SYT9: variants seen among roughly 807,000 people sequenced by gnomAD.
SYT9 encodes synaptotagmin-9.
SYT9 carries 22 observed loss-of-function variants against 48.4 expected under a neutral mutation model. That is an observed-to-expected ratio of 0.45 (90% CI 0.32 to 0.65). The LOEUF is 0.65. Ranked by LOEUF, SYT9 falls within the 30% of genes least tolerant of loss-of-function variation. The probability of loss-of-function intolerance (pLI) is 0.03; values close to 1 mark genes in which losing one functional copy is unlikely to be tolerated. For missense variants in SYT9, 577 were observed against 622.0 expected (o/e 0.93, Z 0.77); for synonymous variants, 265 against 245.0 (o/e 1.08, Z -0.76).
chr11:7,437,035 G>A (rs1048765170), intron 6 of SYT9, among the ~76,000 whole-genome samples: 2 of 152,224 alleles, frequency 1.3e-5, no homozygotes, highest in Non-Finnish European at 2.9e-5. Context: ...AGTGAAAGAC[G>A]CTGGACAAGT....
At chr11:7,394,685 C>T (rs1846710706) in intron 3 of SYT9, among the ~76,000 whole-genome samples, 1 of 151,982 alleles carries the variant, frequency 6.6e-6, no homozygotes, top group African/African-American at 2.4e-5. Context: ...TTTTTTAGTT[C>T]TGCTATGATT....
intron 1 of SYT9, among the ~76,000 whole-genome samples, chr11:7,289,581 G>A (rs1176806332): frequency 6.6e-6 from 1 of 152,176 alleles, no homozygotes; most frequent in African/African-American, 2.4e-5. Context: ...AAACAACACT[G>A]CCTGCTCATA....
intron 3 of SYT9, among the ~76,000 whole-genome samples, chr11:7,332,664 GTGTCTGCACAGCAGGC>G (rs1418467352): frequency 6.6e-6 from 1 of 152,238 alleles, no homozygotes; most frequent in Non-Finnish European, 1.5e-5. Context: ...CCAAAGACAG[GTGTCTGCACAGCAGGC>G]TGGATGCTCC....
chr11:7,392,200 G>T (rs1846637061), intron 3 of SYT9, among the ~76,000 whole-genome samples: 1 of 152,014 alleles, frequency 6.6e-6, no homozygotes, highest in Admixed American at 6.6e-5. Flanking sequence ...ATCCACAATG[G>T]TATTTCCTAA....
intron 2 of SYT9, among the ~76,000 whole-genome samples, chr11:7,309,834 C>G (rs1166465978): frequency 6.6e-6 from 1 of 152,200 alleles, no homozygotes; most frequent in Non-Finnish European, 1.5e-5. Context: ...TCTGGCTCTT[C>G]TAAGCTTCTC....
intron 6 of SYT9, among the ~76,000 whole-genome samples, chr11:7,466,193 T>C (rs1848331483): frequency 6.6e-6 from 1 of 152,230 alleles, no homozygotes; most frequent in African/African-American, 2.4e-5. Context: ...GGGATTCCTC[T>C]TCAGCCTAAA....
intron 3 of SYT9, among the ~76,000 whole-genome samples, chr11:7,357,257 A>C (rs1589969075): frequency 6.6e-6 from 1 of 152,164 alleles, no homozygotes; most frequent in African/African-American, 2.4e-5. Context: ...TGCATCTAAA[A>C]AATAACCCTT....
At chr11:7,305,721 A>G (rs1054931999) in intron 2 of SYT9, among the ~76,000 whole-genome samples, 4 of 152,020 alleles carry the variant, frequency 2.6e-5, no homozygotes, top group African/African-American at 9.7e-5. Flanking sequence ...CTCCCTGCCG[A>G]CACCGTCTTA....
intron 3 of SYT9, 43 bp downstream of exon 3, chr11:7,313,984 G>T: frequency 1.3e-6 from 2 of 1,573,422 alleles, no homozygotes; most frequent in Admixed American, 1.8e-5. Context: ...GGGGCATCTT[G>T]GTTAGCAAGG....
chr11:7,404,408 T>A (rs1241240192), intron 3 of SYT9, among the ~76,000 whole-genome samples: 1 of 152,190 alleles, frequency 6.6e-6, no homozygotes, highest in Non-Finnish European at 1.5e-5. Context: ...TTTTTTGGAT[T>A]AACTGAATAT....
chr11:7,425,736 A>G (rs1230977925), intron 6 of SYT9, among the ~76,000 whole-genome samples: 2 of 152,152 alleles, frequency 1.3e-5, no homozygotes, highest in Non-Finnish European at 2.9e-5. Context: ...CTTATGGGCT[A>G]GATAAATGAA....
At chr11:7,430,711 T>C (rs927313551) in intron 6 of SYT9, among the ~76,000 whole-genome samples, 2 of 152,158 alleles carry the variant, frequency 1.3e-5, no homozygotes, top group African/African-American at 4.8e-5. Flanking sequence ...GATCTGGTCA[T>C]TTAAAAGTGT....
At chr11:7,399,910 T>G (rs1278343744) in intron 3 of SYT9, among the ~76,000 whole-genome samples, 1 of 152,266 alleles carries the variant, frequency 6.6e-6, no homozygotes, top group Non-Finnish European at 1.5e-5. Context: ...ACAAACATTT[T>G]ATACCAGTAG....
intron 2 of SYT9, among the ~76,000 whole-genome samples, chr11:7,311,635 G>A (rs1021052099): frequency 6.6e-6 from 1 of 152,210 alleles, no homozygotes; most frequent in African/African-American, 2.4e-5. Context: ...ACAGTACCCA[G>A]AAGGGTGGGA....
intron 3 of SYT9, among the ~76,000 whole-genome samples, chr11:7,319,806 A>G (rs952928915): frequency 1.3e-5 from 2 of 152,186 alleles, no homozygotes; most frequent in African/African-American, 4.8e-5. Flanking sequence ...AAGCTAAGCC[A>G]CCAGAGACTC....
intron 1 of SYT9, among the ~76,000 whole-genome samples, chr11:7,293,209 T>C (rs1370603993): frequency 6.6e-6 from 1 of 152,204 alleles, no homozygotes; most frequent in African/African-American, 2.4e-5. Context: ...GGCAGCCTTC[T>C]GAGGAAGGAA....
chr11:7,382,926 G>A (rs941911234), intron 3 of SYT9, among the ~76,000 whole-genome samples: 1 of 152,148 alleles, frequency 6.6e-6, no homozygotes, highest in African/African-American at 2.4e-5. Flanking sequence ...CTCAGAAATT[G>A]TCATCCTCCA....
intron 1 of SYT9, chr11:7,238,991 G>A (rs1847713191): frequency 2.2e-6 from 1 of 454,640 alleles, no homozygotes; most frequent in South Asian, 1.6e-5. Context: ...AGAAGTGGTG[G>A]GAGTGGTAGA....
intron 3 of SYT9, among the ~76,000 whole-genome samples, chr11:7,373,154 A>G (rs1589980069): frequency 1.3e-5 from 2 of 152,078 alleles, no homozygotes; most frequent in East Asian, 3.8e-4. Flanking sequence ...AGTATTTTAA[A>G]ATTATATTCA....
Sources: gnomAD v4.1 joint callset for allele counts (sites outside exome capture counted in the v4.1 genomes callset) on GRCh38, gnomAD v4.1.1 for gene constraint, MANE v1.5 for transcripts, NCBI Gene and HGNC (gene_info 2026-07-23, HGNC 2026-07-21) for gene names.